The following PARPBP variants were observed in gnomAD, a reference collection of about 807,000 sequenced individuals.
PARPBP encodes the protein PCNA-interacting partner.
PARPBP carries 52 observed loss-of-function variants against 50.0 expected under a neutral mutation model. The observed-to-expected ratio is 1.04, with a 90% CI of 0.83 to 1.31. PARPBP has a LOEUF of 1.31. Ranked by LOEUF, PARPBP falls within the 50% of genes most tolerant of loss-of-function variation. PARPBP has a pLI of 0.00. For missense variants in PARPBP, 697 were observed against 672.0 expected (o/e 1.04, Z -0.41); for synonymous variants, 244 against 232.1 (o/e 1.05, Z -0.47).
intron 3 of PARPBP, among the ~76,000 whole-genome samples, chr12:102,152,188 GA>G (rs1852644581): frequency 6.6e-6 from 1 of 152,064 alleles, no homozygotes; most frequent in Non-Finnish European, 1.5e-5. Flanking sequence ...TGCTAGAGTG[GA>G]ATAAAAAAGG....
At chr12:102,190,831 TC>T in intron 9 of PARPBP, among the ~76,000 whole-genome samples, 1 of 152,114 alleles carries the variant, frequency 6.6e-6, no homozygotes, top group African/African-American at 2.4e-5. Context: ...TTGAAGGTTA[TC>T]AGTGCTGTGG....
At chr12:102,122,707 G>T (rs965225125) in intron 1 of PARPBP, among the ~76,000 whole-genome samples, 7 of 152,304 alleles carry the variant, frequency 4.6e-5, no homozygotes, top group Non-Finnish European at 7.4e-5. Context: ...TTAACATGAT[G>T]CTTTAAGAAC....
At chr12:102,149,745 T>C (rs1885933362) in intron 3 of PARPBP, among the ~76,000 whole-genome samples, 1 of 152,210 alleles carries the variant, frequency 6.6e-6, no homozygotes, top group Non-Finnish European at 1.5e-5. Context: ...CATTGAACTA[T>C]CATAAAAACC....
intron 9 of PARPBP, among the ~76,000 whole-genome samples, chr12:102,185,668 T>A (rs1041914914): frequency 6.6e-5 from 10 of 152,168 alleles, no homozygotes; most frequent in Admixed American, 5.2e-4. Context: ...TAATTTTTTT[T>A]ATTTTTTTGA....
At chr12:102,154,134 T>A in intron 4 of PARPBP, 158 bp downstream of exon 4, 1 of 503,644 alleles carries the variant, frequency 2.0e-6, no homozygotes, top group Non-Finnish European at 3.5e-6. Flanking sequence ...CATTGGAGGC[T>A]GGTGAGAATG....
chr12:102,153,505 T>C (rs779120677), intron 3 of PARPBP, among the ~76,000 whole-genome samples: 1 of 152,176 alleles, frequency 6.6e-6, no homozygotes, highest in Non-Finnish European at 1.5e-5. Context: ...CATGCCCAGC[T>C]AATGTTTTGC....
At chr12:102,137,232 C>T (rs547075995) in intron 2 of PARPBP, among the ~76,000 whole-genome samples, 7 of 152,244 alleles carry the variant, frequency 4.6e-5, no homozygotes, top group South Asian at 2.1e-4. Flanking sequence ...AAATTACAGG[C>T]GTGAACCACC....
chr12:102,161,983 G>C (rs1408132258), intron 4 of PARPBP, among the ~76,000 whole-genome samples: 1 of 152,066 alleles, frequency 6.6e-6, no homozygotes, highest in East Asian at 1.9e-4. Context: ...ATTCTATCTC[G>C]AGTCCATATT....
chr12:102,173,523 A>T (rs1888957806), intron 6 of PARPBP, among the ~76,000 whole-genome samples: 1 of 152,238 alleles, frequency 6.6e-6, no homozygotes, highest in Admixed American at 6.5e-5. Flanking sequence ...GTACAGTTTA[A>T]GAGTGTTGCT....
chr12:102,164,582 C>G lies in PARPBP; in HGVS notation c.640C>G (p.Arg214Gly), dbSNP rs753543416. 21 of 1,613,304 alleles carry G rather than the reference C, an allele frequency of 1.3e-5. No individual in the cohort carries two copies. Among genetic ancestry groups the G allele is most frequent in the Non-Finnish European group, 1.7e-5 (20 of 1,179,548 alleles). ...CTTCACTGATTTGAAACATGCTGCT[C>G]GAGAGAAACAAATGTCTATCTTTTT... The part of the protein sequence containing the change: ...EAFTDLKHAA[R>G]EKQMSIFLVA... The change falls in exon 5 of 11, where the codon CGA becomes GGA. Residue 214 changes from arginine (R) to glycine (G), a missense_variant. Arg to Gly is a moderately radical substitution (Grantham distance 125). Coordinates refer to ENST00000327680, the MANE Select transcript of PARPBP (RefSeq NM_017915.5).
At chr12:102,169,653 G>A (rs773680969) in intron 6 of PARPBP, among the ~76,000 whole-genome samples, 6 of 151,918 alleles carry the variant, frequency 3.9e-5, no homozygotes, top group South Asian at 2.1e-4. Context: ...ACCTTTTCAC[G>A]TGTCACTGAG....
chr12:102,134,823 C>T (rs1409645245), intron 2 of PARPBP, among the ~76,000 whole-genome samples: 3 of 152,078 alleles, frequency 2.0e-5, no homozygotes, highest in South Asian at 2.1e-4. Context: ...ACTACAGGTA[C>T]GTACCACCAT....
intron 9 of PARPBP, among the ~76,000 whole-genome samples, chr12:102,188,710 C>G (rs188058547): frequency 6.6e-6 from 1 of 151,956 alleles, no homozygotes; most frequent in East Asian, 1.9e-4. Context: ...GGGAGACTCA[C>G]AAATGATCCA....
chr12:102,148,144 A>C, intron 2 of PARPBP, 86 bp from the exon 3 acceptor site: 1 of 557,234 alleles, frequency 1.8e-6, no homozygotes, highest in Non-Finnish European at 3.0e-6. Context: ...CCAAAATTTA[A>C]TTTGTATTTC....
chr12:102,154,524 G>A (rs1054432852), intron 4 of PARPBP, among the ~76,000 whole-genome samples: 20 of 152,216 alleles, frequency 1.3e-4, no homozygotes, highest in African/African-American at 4.3e-4. Flanking sequence ...TTACGAAAAC[G>A]GGGACTAAAC....
chr12:102,196,208 A>G lies in PARPBP; in HGVS notation c.1657A>G (p.Lys553Glu), dbSNP rs755642968. The change falls in exon 11 of 11, where the codon AAA (lysine) becomes GAA (glutamate). Residue 553 changes from lysine (K) to glutamate (E), a missense_variant. Physicochemically the swap from Lys to Glu is moderately conservative, Grantham distance 56. Transcript: ENST00000327680. ...GAATAGATTGTACGGCAAACTAGCT[A>G]AAGTAGCAAAAAGTAATAAATGTAC... Reference protein sequence around the residue: ...SQNRLYGKLAKVAKSNKCTAK... With the variant: ...SQNRLYGKLAEVAKSNKCTAK... The G allele has an allele frequency of 3.1e-6, 5 of 1,611,046 alleles. No homozygotes were observed. Among genetic ancestry groups the G allele is most frequent in the African/African-American group, 1.3e-5 (1 of 74,776 alleles).
At chr12:102,186,401 G>A (rs1397619294) in intron 9 of PARPBP, among the ~76,000 whole-genome samples, 1 of 151,912 alleles carries the variant, frequency 6.6e-6, no homozygotes, top group African/African-American at 2.4e-5. Context: ...CCCATAAGAT[G>A]CATATTTATG....
intron 2 of PARPBP, among the ~76,000 whole-genome samples, chr12:102,131,910 A>G (rs772412734): frequency 9.9e-5 from 15 of 152,170 alleles, no homozygotes; most frequent in Non-Finnish European, 1.8e-4. Flanking sequence ...GGGGTGACAA[A>G]ATAATCTGTA....
chr12:102,150,175 T>C, intron 3 of PARPBP: 1 of 450,118 alleles, frequency 2.2e-6, no homozygotes, highest in Non-Finnish European at 4.5e-6. Context: ...TTGAAGCTGC[T>C]AAGATGGTAG....
Sources: gnomAD v4.1 joint callset for allele counts (sites outside exome capture counted in the v4.1 genomes callset) on GRCh38, gnomAD v4.1.1 for gene constraint, MANE v1.5 for transcripts, NCBI Gene and HGNC (gene_info 2026-07-23, HGNC 2026-07-21) for gene names.